Variants in SMAP2 observed in about 807,000 individuals in gnomAD.
SMAP2 encodes small ArfGAP2.
A neutral mutation model predicts 56.4 loss-of-function variants in SMAP2; 25 were observed. That is an observed-to-expected ratio of 0.44 (90% CI 0.32 to 0.62). The LOEUF (loss-of-function observed/expected upper bound fraction) is 0.62, where lower values mean the gene tolerates loss of function less well. Ranked by LOEUF, SMAP2 falls within the 20% of genes least tolerant of loss-of-function variation. The probability of loss-of-function intolerance (pLI) is 0.04; values close to 1 mark genes in which losing one functional copy is unlikely to be tolerated. For missense variants in SMAP2, 388 were observed against 545.6 expected, an observed-to-expected ratio of 0.71 and a Z score of 2.88; for synonymous variants, 157 against 181.7, an observed-to-expected ratio of 0.86 and a Z score of 1.09.
chr1:40,391,289 A>T (rs1644713373), intron 1 of SMAP2, among the ~76,000 whole-genome samples: 1 of 152,252 alleles, frequency 6.6e-6, no homozygotes. Context: ...ATCAGTAAGC[A>T]TGCATTAAGT....
chr1:40,393,563 T>TG (rs1491358033), intron 1 of SMAP2: 13 of 977,796 alleles, frequency 1.3e-5, no homozygotes, highest in Middle Eastern at 2.7e-4. Flanking sequence ...TTTTTTTTTT[T>TG]GTGACAGAGT....
intron 9 of SMAP2, among the ~76,000 whole-genome samples, chr1:40,418,439 A>C (rs773336000): frequency 5.9e-5 from 9 of 152,326 alleles, no homozygotes; most frequent in Admixed American, 2.0e-4. Context: ...TGCCCAAAGA[A>C]ATAAAGACAA....
intron 8 of SMAP2, 99 bp downstream of exon 8, chr1:40,416,440 C>T: frequency 7.2e-7 from 1 of 1,385,542 alleles, no homozygotes; most frequent in South Asian, 1.4e-5. Context: ...CTTTGGGGGC[C>T]AGGATGTCAT....
chr1:40,389,785 T>C (rs1254083024), intron 1 of SMAP2, among the ~76,000 whole-genome samples: 2 of 152,142 alleles, frequency 1.3e-5, no homozygotes, highest in Non-Finnish European at 2.9e-5. Flanking sequence ...TTAGACGTGG[T>C]TCTCAGGTGC....
At chr1:40,410,138 TG>T (rs1478894495) in intron 4 of SMAP2, among the ~76,000 whole-genome samples, 3 of 151,884 alleles carry the variant, frequency 2.0e-5, no homozygotes, top group Non-Finnish European at 2.9e-5. Context: ...ACCAGCTACT[TG>T]GGAGGCTGAG....
At position 40,393,541 on chromosome 1, in the gene SMAP2, C is replaced by CTTTT. The variant is rs35913943; in HGVS notation, c.104-13176_104-13173dup. On this transcript the variant is annotated intron_variant, in intron 1 of 9. Transcript: ENST00000372718. ...AACAAAGTGTAAGTAGTTCTTCTAA[C>CTTTT]TTTTTTTTTTTTTTTTTTTTTTGTG... 219 of 811,928 alleles carry CTTTT rather than the reference C, an allele frequency of 2.7e-4. 4 individuals carry two copies. In the African/African-American group the frequency reaches 4.3e-3, roughly 16 times the overall value. 50.3% of individuals were successfully genotyped at this position (811,928 alleles called of 1,614,324 possible).
At chr1:40,392,419 G>C (rs1644725535) in intron 1 of SMAP2, among the ~76,000 whole-genome samples, 1 of 152,210 alleles carries the variant, frequency 6.6e-6, no homozygotes, top group South Asian at 2.1e-4. Flanking sequence ...GCCTTTGCTG[G>C]AGTAATTACC....
chr1:40,406,667 T>C, intron 1 of SMAP2, 69 bp from the exon 2 acceptor site: 1 of 1,492,954 alleles, frequency 6.7e-7, no homozygotes, highest in Non-Finnish European at 9.1e-7. Context: ...TGTCTGATAA[T>C]CTAATATTGT....
At chr1:40,407,786 G>A (rs978415650) in intron 2 of SMAP2, among the ~76,000 whole-genome samples, 3 of 151,978 alleles carry the variant, frequency 2.0e-5, no homozygotes, top group Non-Finnish European at 4.4e-5. Flanking sequence ...TAGATTTATT[G>A]TTATCATCTT....
chr1:40,382,691 T>G (rs1644610346), intron 1 of SMAP2, among the ~76,000 whole-genome samples: 1 of 152,228 alleles, frequency 6.6e-6, no homozygotes, highest in African/African-American at 2.4e-5. Flanking sequence ...ATTCCTCTAT[T>G]GTTAAAGCAA....
At chr1:40,360,984 G>A (rs1233329448) in intron 1 of SMAP2, among the ~76,000 whole-genome samples, 1 of 152,202 alleles carries the variant, frequency 6.6e-6, no homozygotes, top group African/African-American at 2.4e-5. Flanking sequence ...AGTGGACATG[G>A]GGGGCACATG....
In SMAP2 at chr1:40,414,144, A is replaced by G; in HGVS notation, c.490-15A>G. On this transcript the variant is annotated splice_polypyrimidine_tract_variant and intron_variant, in intron 5 of 9. Transcript: ENST00000372718. ...CCACCTGCTTATTTCTTGCTATAACATATTTTCACCTTAGCCACAGAAAAA... is the reference window on the plus strand; with the variant it reads ...CCACCTGCTTATTTCTTGCTATAACGTATTTTCACCTTAGCCACAGAAAAA... 6.2e-7 allele frequency: 1 copy of G among 1,613,266 alleles called. No homozygotes were observed. Among genetic ancestry groups the G allele is most frequent in the East Asian group, 2.2e-5 (1 of 44,878 alleles).
chr1:40,373,180 TC>T (rs1293700459), upstream of SMAP2, among the ~76,000 whole-genome samples: 16 of 151,382 alleles, frequency 1.1e-4, no homozygotes, highest in Middle Eastern at 3.4e-3. Flanking sequence ...AAGGCAGGAG[TC>T]ACAGAGGAGA....
chr1:40,414,305 AAGAT>A, intron 6 of SMAP2, 65 bp downstream of exon 6: 1 of 1,472,332 alleles, frequency 6.8e-7, no homozygotes, highest in South Asian at 1.2e-5. Flanking sequence ...GTGACCCTGG[AAGAT>A]AGGTAGAGAT....
chr1:40,412,339 C>A (rs1352162713), intron 4 of SMAP2, among the ~76,000 whole-genome samples: 1 of 151,998 alleles, frequency 6.6e-6, no homozygotes, highest in Non-Finnish European at 1.5e-5. Context: ...TCACTTCATC[C>A]CTCCCACCAT....
chr1:40,396,680 A>T (rs970516414), intron 1 of SMAP2: 1 of 217,614 alleles, frequency 4.6e-6, no homozygotes, highest in Non-Finnish European at 7.8e-6. Context: ...GGTTCCTTAA[A>T]ATGTTTGTAC....
chr1:40,415,218 A>C lies in SMAP2; in HGVS notation c.572-54A>C, dbSNP rs1644975118. ...TTTGCTTTTTGTCTAGAATAGAAGG[A>C]AGGCATGGGCTTAATAAGCAGTGCT... On this transcript the variant is annotated intron_variant, in intron 6 of 9. Coordinates refer to ENST00000372718, the MANE Select transcript of SMAP2 (RefSeq NM_022733.3). 2.2e-6 allele frequency: 3 copies of C among 1,345,170 alleles called. No homozygotes were observed. In the South Asian group the frequency reaches 3.5e-5, roughly 16 times the overall value. The allele number at this position is 1,345,170 out of a possible 1,614,324, so 83.3% of individuals were successfully genotyped here. A position where few individuals can be genotyped will look rare whatever the true frequency, so the allele number is the denominator to read the frequency against.
At chr1:40,410,562 A>G (rs1644925516) in intron 4 of SMAP2, among the ~76,000 whole-genome samples, 1 of 152,260 alleles carries the variant, frequency 6.6e-6, no homozygotes, top group Non-Finnish European at 1.5e-5. Context: ...AGTTTGACCA[A>G]TGTATATTTC....
At chr1:40,394,439 C>T (rs1219676598) in intron 1 of SMAP2, among the ~76,000 whole-genome samples, 2 of 152,036 alleles carry the variant, frequency 1.3e-5, no homozygotes, top group East Asian at 3.9e-4. Flanking sequence ...TTATCTTATT[C>T]AGTGTTTGTA....
Sources: gnomAD v4.1 joint callset for allele counts (sites outside exome capture counted in the v4.1 genomes callset) on GRCh38, gnomAD v4.1.1 for gene constraint, MANE v1.5 for transcripts, NCBI Gene and HGNC (gene_info 2026-07-23, HGNC 2026-07-21) for gene names.